Variants in VWA3B observed in about 807,000 individuals in gnomAD.
VWA3B encodes the protein von Willebrand factor A domain-containing protein 3B.
A neutral mutation model predicts 158.3 loss-of-function variants in VWA3B; 138 were observed. That is an observed-to-expected ratio of 0.87 (90% CI 0.76 to 1.00). The LOEUF is 1.00. Ranked by LOEUF, VWA3B falls within the 50% of genes least tolerant of loss-of-function variation. VWA3B has a pLI of 0.00. For synonymous variants in VWA3B, 596 were observed against 587.3 expected (o/e 1.01, Z -0.21); for missense variants, 1,555 against 1,565.1 (o/e 0.99, Z 0.11).
rs781288503 is a variant in VWA3B at position 98,300,176 on chromosome 2, C to G, written c.3380C>G (p.Thr1127Arg). The G allele has an allele frequency of 1.9e-6, 3 of 1,614,248 alleles. No individual in the cohort carries two copies. The South Asian group carries it at 3.3e-5, about 18-fold the overall frequency. ...VIALPNKHVA[T>R]EKFYTVLKCN... is the part of the protein sequence containing the mutation. ...GCACTTCCCAATAAGCATGTGGCCA[C>G]AGAAAAATTCTACACAGTTTTGAAG... Residue 1127 changes from threonine to arginine, a missense_variant, in exon 25 of 28, where the codon ACA becomes AGA. Coordinates refer to ENST00000477737, the MANE Select transcript of VWA3B (RefSeq NM_144992.5).
In VWA3B at chr2:98,128,450, C is replaced by G. The variant is rs747522604; in HGVS notation, c.872+42C>G. On this transcript the variant is annotated intron_variant, in intron 6 of 27. Coordinates refer to ENST00000477737, the MANE Select transcript of VWA3B (RefSeq NM_144992.5). ...CTCTTGAGTGACAGCAAGCGGGTTG[C>G]CTGCTCACACAGGATCAACAGTGGG... 4 of 1,599,416 alleles carry G rather than the reference C, an allele frequency of 2.5e-6. No homozygotes were observed. In the South Asian group the frequency reaches 4.4e-5, roughly 18 times the overall value.
intron 13 of VWA3B, among the ~76,000 whole-genome samples, chr2:98,212,519 G>A (rs766440897): frequency 1.8e-4 from 27 of 152,220 alleles, no homozygotes; most frequent in Non-Finnish European, 3.5e-4. Flanking sequence ...AAAAGCTGTA[G>A]AGGAGTCTGT....
chr2:98,093,300 A>C lies in VWA3B; in HGVS notation c.196+12A>C. The C allele has an allele frequency of 6.2e-7, 1 of 1,611,114 alleles. No individual in the cohort carries two copies. Among genetic ancestry groups the C allele is most frequent in the Non-Finnish European group, 8.5e-7 (1 of 1,177,628 alleles). ...CCCACATTGTGAAGGTACAGTACTC[A>C]CAAACAACCAGCATGCTGCCATTTA... On this transcript the variant is annotated intron_variant, in intron 2 of 27. Transcript: ENST00000477737.
intron 23 of VWA3B, chr2:98,292,112 G>A (rs1011585569): frequency 3.3e-5 from 5 of 150,116 alleles, no homozygotes; most frequent in African/African-American, 9.8e-5. Flanking sequence ...AAAATTAACC[G>A]GGCACCTGTA....
At chr2:98,130,529 C>G (rs758648217) in intron 6 of VWA3B, among the ~76,000 whole-genome samples, 26 of 152,170 alleles carry the variant, frequency 1.7e-4, no homozygotes, top group Non-Finnish European at 3.4e-4. Flanking sequence ...GGCAGAGGTC[C>G]CTGCAGCCTT....
At chr2:98,180,909 G>T in intron 8 of VWA3B, 107 bp from the exon 9 acceptor site, 3 of 1,119,470 alleles carry the variant, frequency 2.7e-6, no homozygotes, top group Non-Finnish European at 2.5e-6. Context: ...TGAAACATGG[G>T]CTTTGTGTCT....
At position 98,180,945 on chromosome 2, in the gene VWA3B, CA is replaced by C; in HGVS notation, c.1115-69del. On this transcript the variant is annotated intron_variant, in intron 8 of 27. Transcript: ENST00000477737. ...AATAAAGAACACGTTCCAAGTTGGT[CA>C]ATATTAAGTTGGGGGTGTAATATGA... The C allele has an allele frequency of 2.1e-6, 3 of 1,463,302 alleles. No homozygotes were observed. The South Asian group carries it at 3.9e-5, about 19-fold the overall frequency. 90.6% of individuals were successfully genotyped at this position (1,463,302 alleles called of 1,614,324 possible). A position where few individuals can be genotyped will look rare whatever the true frequency, so the allele number is the denominator to read the frequency against.
chr2:98,273,552 A>C (rs1688337636), intron 22 of VWA3B, among the ~76,000 whole-genome samples: 1 of 152,222 alleles, frequency 6.6e-6, no homozygotes, highest in Admixed American at 6.5e-5. Context: ...AAGAGGACCA[A>C]GAGTGAATTA....
Position 98,211,946 on chromosome 2 carries a change from A to G in VWA3B, c.1754A>G (p.Asn585Ser). 1 of 1,614,066 alleles carries G rather than the reference A, an allele frequency of 6.2e-7. No individual in the cohort carries two copies. Among genetic ancestry groups the G allele is most frequent in the Non-Finnish European group, 8.5e-7 (1 of 1,179,988 alleles). Residue 585 changes from asparagine (N) to serine (S), a missense_variant, in exon 13 of 28, where the codon AAC (asparagine) becomes AGC (serine). By Grantham distance (46) the Asn-to-Ser change is conservative (BLOSUM62 1). Coordinates refer to ENST00000477737, the MANE Select transcript of VWA3B (RefSeq NM_144992.5). ...TTTCCGTAGATTGGAAGCTCCACAA[A>G]CACCCTGAGTGCCCTGAAAACTGCT... is the stretch of plus-strand genomic sequence containing the variant. ...IRDIKIGSST[N>S]TLSALKTAFA...
intron 7 of VWA3B, among the ~76,000 whole-genome samples, chr2:98,151,410 G>A (rs1351415687): frequency 6.6e-6 from 1 of 152,176 alleles, no homozygotes; most frequent in Non-Finnish European, 1.5e-5. Context: ...CAGCAATCCA[G>A]GGTATATTCG....
intron 1 of VWA3B, among the ~76,000 whole-genome samples, chr2:98,090,805 G>T (rs1167581519): frequency 1.3e-5 from 2 of 151,688 alleles, no homozygotes; most frequent in African/African-American, 2.4e-5. Context: ...GCCCAGGCTG[G>T]AGTGCAGTGG....
chr2:98,118,432 C>T (rs532920285), intron 3 of VWA3B, among the ~76,000 whole-genome samples: 35 of 152,194 alleles, frequency 2.3e-4, no homozygotes, highest in African/African-American at 6.3e-4. Flanking sequence ...GATAAAGTAC[C>T]GTATCTTCTT....
intron 2 of VWA3B, among the ~76,000 whole-genome samples, chr2:98,103,269 T>C (rs1026677170): frequency 1.1e-4 from 16 of 152,212 alleles, no homozygotes; most frequent in African/African-American, 3.4e-4. Context: ...TAAAATTCTT[T>C]GTCTTCTATT....
chr2:98,290,377 G>A (rs1250963785), intron 22 of VWA3B, 134 bp from the exon 23 acceptor site: 5 of 688,686 alleles, frequency 7.3e-6, no homozygotes, highest in Non-Finnish European at 1.2e-5. Context: ...CTCCAACACT[G>A]GAACTTGTAA....
intron 12 of VWA3B, among the ~76,000 whole-genome samples, chr2:98,199,555 A>T (rs1227957056): frequency 6.6e-6 from 1 of 152,170 alleles, no homozygotes; most frequent in African/African-American, 2.4e-5. Context: ...ACTCTTGCTC[A>T]TGCATTAGGT....
chr2:98,196,135 G>A (rs1682019017), intron 12 of VWA3B, among the ~76,000 whole-genome samples: 1 of 152,186 alleles, frequency 6.6e-6, no homozygotes, highest in Non-Finnish European at 1.5e-5. Flanking sequence ...GTGGGGATGG[G>A]GAGATGTTGG....
intron 19 of VWA3B, among the ~76,000 whole-genome samples, chr2:98,248,821 CTT>C (rs1043046651): frequency 1.4e-5 from 2 of 145,898 alleles, no homozygotes; most frequent in African/African-American, 2.5e-5. Context: ...CTTTCTCTTT[CTT>C]TTTCTTTCTT....
rs569326399 is a variant in VWA3B, at chr2:98,279,538, G to A, written c.3045+8655G>A. 2.0e-4 allele frequency among the ~76,000 whole-genome samples: 31 copies of A among 152,336 alleles called. No individual in the cohort carries two copies. In the Middle Eastern group the frequency reaches 0.034, roughly 167 times the overall value. On this transcript the variant is annotated intron_variant, in intron 22 of 27. Transcript: ENST00000477737. ...CTTAGCAGGGGCCACTCAGGAAGCAGAATCCAATTCATTCAGCACAAGTGA... is the reference window on the plus strand; with the variant it reads ...CTTAGCAGGGGCCACTCAGGAAGCAAAATCCAATTCATTCAGCACAAGTGA...
At chr2:98,126,059 A>G (rs1469481053) in intron 5 of VWA3B, among the ~76,000 whole-genome samples, 1 of 152,180 alleles carries the variant, frequency 6.6e-6, no homozygotes, top group East Asian at 1.9e-4. Context: ...TCTCAATGTA[A>G]AGCATGTCCC....
Sources: allele counts gnomAD v4.1 joint callset (sites outside exome capture counted in the v4.1 genomes callset), GRCh38; gene constraint gnomAD v4.1.1; transcripts MANE v1.5; gene names NCBI Gene and HGNC (gene_info 2026-07-23, HGNC 2026-07-21).